Variants in EXT2 observed in about 807,000 individuals in gnomAD.
EXT2 encodes the protein exostosin glycosyltransferase 2, also known as exostosin-2.
In EXT2, 53 loss-of-function variants were observed where a neutral mutation model predicts 81.6. The ratio of observed to expected loss-of-function variants is 0.65; its 90% CI spans 0.52 to 0.82. The LOEUF (loss-of-function observed/expected upper bound fraction) is 0.82, where lower values mean the gene tolerates loss of function less well. Ranked by LOEUF, EXT2 falls within the 40% of genes least tolerant of loss-of-function variation. The pLI is 0.00. For missense variants in EXT2, 774 were observed against 910.2 expected (o/e 0.85, Z 1.93); for synonymous variants, 320 against 340.0 (o/e 0.94, Z 0.65).
chr11:44,181,131 A>G (rs1955230246), intron 8 of EXT2, among the ~76,000 whole-genome samples: 1 of 152,120 alleles, frequency 6.6e-6, no homozygotes, highest in South Asian at 2.1e-4. Context: ...ATTCTGTTAC[A>G]CTTGTGATTA....
chr11:44,234,301 G>A, intron 12 of EXT2, 58 bp downstream of exon 12: 1 of 1,536,598 alleles, frequency 6.5e-7, no homozygotes, highest in South Asian at 1.1e-5. Context: ...TATTATCTGA[G>A]CCTAGGAAGT....
chr11:44,144,832 TA>T (rs765287141), intron 7 of EXT2, among the ~76,000 whole-genome samples: 2 of 152,172 alleles, frequency 1.3e-5, no homozygotes, highest in African/African-American at 2.4e-5. Flanking sequence ...TTTCACCCCT[TA>T]TTCTTCTAAC....
chr11:44,160,163 C>T (rs1954909905), intron 7 of EXT2, among the ~76,000 whole-genome samples: 1 of 152,182 alleles, frequency 6.6e-6, no homozygotes, highest in South Asian at 2.1e-4. Context: ...ATCTCTCTCC[C>T]TGACTGGGTT....
At chr11:44,139,700 C>T (rs1357601510) in intron 7 of EXT2, among the ~76,000 whole-genome samples, 1 of 152,170 alleles carries the variant, frequency 6.6e-6, no homozygotes, top group Non-Finnish European at 1.5e-5. Context: ...GGGGCTAAAG[C>T]ACTCCCATAA....
intron 10 of EXT2, among the ~76,000 whole-genome samples, chr11:44,215,387 A>G (rs1161088963): frequency 1.3e-5 from 2 of 152,156 alleles, no homozygotes; most frequent in African/African-American, 4.8e-5. Context: ...TACATTGCTT[A>G]CTTTTGTCAG....
chr11:44,224,258 T>A (rs946741087), intron 10 of EXT2, among the ~76,000 whole-genome samples: 2 of 152,194 alleles, frequency 1.3e-5, no homozygotes, highest in African/African-American at 2.4e-5. Flanking sequence ...TAAACTTGTA[T>A]GACTTTAGCT....
intron 6 of EXT2, among the ~76,000 whole-genome samples, chr11:44,127,340 G>T (rs1415206862): frequency 6.6e-6 from 1 of 152,194 alleles, no homozygotes; most frequent in Non-Finnish European, 1.5e-5. Flanking sequence ...GTTTGGAGCC[G>T]GGCTGCACAG....
chr11:44,229,566 G>A (rs556250249), intron 10 of EXT2, among the ~76,000 whole-genome samples: 1 of 152,166 alleles, frequency 6.6e-6, no homozygotes, highest in Non-Finnish European at 1.5e-5. Flanking sequence ...CACGGAGATG[G>A]TCACAGTGAG....
chr11:44,120,017 C>G (rs1954293920), intron 4 of EXT2, among the ~76,000 whole-genome samples: 1 of 152,118 alleles, frequency 6.6e-6, no homozygotes, highest in Admixed American at 6.5e-5. Flanking sequence ...ACTCTTAATC[C>G]CCTTCAGGTT....
At chr11:44,189,738 A>T (rs1484619846) in intron 8 of EXT2, among the ~76,000 whole-genome samples, 2 of 152,216 alleles carry the variant, frequency 1.3e-5, no homozygotes, top group African/African-American at 2.4e-5. Flanking sequence ...CAGGAACACA[A>T]ATCCAAACCA....
intron 8 of EXT2, among the ~76,000 whole-genome samples, chr11:44,180,007 AC>A (rs1486300080): frequency 1.3e-5 from 2 of 152,170 alleles, no homozygotes; most frequent in African/African-American, 2.4e-5. Flanking sequence ...TTGATTCTTG[AC>A]TTTTGGCTCT....
chr11:44,136,529 G>A (rs780487706), intron 7 of EXT2, among the ~76,000 whole-genome samples: 4 of 152,136 alleles, frequency 2.6e-5, no homozygotes, highest in African/African-American at 7.2e-5. Flanking sequence ...CCTTGAAAAA[G>A]TGGTTGCTTG....
At chr11:44,233,603 G>A (rs1467847740) in intron 11 of EXT2, among the ~76,000 whole-genome samples, 3 of 152,168 alleles carry the variant, frequency 2.0e-5, no homozygotes, top group African/African-American at 7.2e-5. Flanking sequence ...AAGAACTGAT[G>A]TCGGGAGAAA....
intron 7 of EXT2, among the ~76,000 whole-genome samples, chr11:44,150,387 C>T (rs543670276): frequency 5.9e-5 from 9 of 152,224 alleles, no homozygotes; most frequent in South Asian, 2.1e-4. Flanking sequence ...AACAACCCAT[C>T]GTGGATTCTA....
chr11:44,119,157 TATATATATATATAC>T lies in EXT2; in HGVS notation c.743+4858_743+4871del, dbSNP rs1439687198. On this transcript the variant is annotated intron_variant, in intron 4 of 13. Coordinates refer to ENST00000533608, the MANE Select transcript of EXT2 (RefSeq NM_207122.2). The stretch of plus-strand genomic sequence containing the variant: ...ATATATATATATATATATATATATA[TATATATATATATAC>T]ACATACACACACACACACACACATT... Among the ~76,000 whole-genome samples the T allele has an allele frequency of 8.6e-4, 34 of 39,614 alleles. 2 individuals are homozygous for T. The highest frequency in any genetic ancestry group is 1.4e-3 in the Non-Finnish European group (25 of 17,580). The allele number at this position is 39,614 out of a possible 152,430, so 26.0% of individuals were successfully genotyped here.
intron 10 of EXT2, among the ~76,000 whole-genome samples, chr11:44,214,499 T>C (rs1955693681): frequency 6.6e-6 from 1 of 152,216 alleles, no homozygotes; most frequent in Non-Finnish European, 1.5e-5. Flanking sequence ...ATTTCTTTAA[T>C]GTCTCTAATA....
intron 10 of EXT2, among the ~76,000 whole-genome samples, chr11:44,232,081 G>C (rs995938219): frequency 6.6e-6 from 1 of 151,976 alleles, no homozygotes; most frequent in African/African-American, 2.4e-5. Context: ...TGCCTACCTT[G>C]GCCCAACTCA....
chr11:44,239,478 C>T (rs1202397911), intron 13 of EXT2, among the ~76,000 whole-genome samples: 1 of 150,428 alleles, frequency 6.6e-6, no homozygotes, highest in Non-Finnish European at 1.5e-5. Flanking sequence ...CTGTAACCTC[C>T]GCCTCCCAGG....
In EXT2 at chr11:44,158,476, G is replaced by A. The variant is rs995650192; in HGVS notation, c.1174-13135G>A. ...TTATGAATATTTTAAGCCCACTATC[G>A]AGACCTGCTGCTCAAAGAAAGATTC... On this transcript the variant is annotated intron_variant, in intron 7 of 13. Coordinates refer to ENST00000533608, the MANE Select transcript of EXT2 (RefSeq NM_207122.2). Among the ~76,000 whole-genome samples the A allele has an allele frequency of 3.3e-4, 50 of 152,052 alleles. 1 individual carries two copies. The highest frequency in any genetic ancestry group is 6.3e-4 in the Non-Finnish European group (43 of 67,992).
Sources: allele counts gnomAD v4.1 joint callset (sites outside exome capture counted in the v4.1 genomes callset), GRCh38; gene constraint gnomAD v4.1.1; transcripts MANE v1.5; gene names NCBI Gene and HGNC (gene_info 2026-07-23, HGNC 2026-07-21).